DNAH11: variants seen among roughly 807,000 people sequenced by gnomAD.
DNAH11 encodes axonemal beta dynein heavy chain 11.
Under a neutral mutation model 526.0 loss-of-function variants are expected in DNAH11, and 442 were observed. That is an observed-to-expected ratio of 0.84 (90% confidence interval 0.78 to 0.91). The LOEUF (loss-of-function observed/expected upper bound fraction) is 0.91, where lower values mean the gene tolerates loss of function less well. DNAH11 is among the 40% of genes least tolerant of loss of function. The pLI is 0.00. For synonymous variants in DNAH11, 2,461 were observed against 1,935.9 expected (o/e 1.27, Z -7.12); for missense variants, 6,989 against 5,448.7 (o/e 1.28, Z -8.90).
At chr7:21,738,906 A>T in intron 47 of DNAH11, 40 bp downstream of exon 47, 1 of 1,437,134 alleles carries the variant, frequency 7.0e-7, no homozygotes, top group Non-Finnish European at 9.3e-7. Flanking sequence ...CCAAAATCTA[A>T]TAATTATTAT....
intron 20 of DNAH11, among the ~76,000 whole-genome samples, chr7:21,614,060 A>G (rs112195165): frequency 0.073 from 11,096 of 152,180 alleles, 568 homozygotes; most frequent in African/African-American, 0.14. Flanking sequence ...TACAAGCATG[A>G]GCCACTGTGC....
intron 53 of DNAH11, among the ~76,000 whole-genome samples, chr7:21,750,014 CG>C (rs1786342345): frequency 3.9e-5 from 6 of 152,306 alleles, no homozygotes; most frequent in Admixed American, 3.9e-4. Context: ...TATTCTTACA[CG>C]TACGGGTGTA....
At chr7:21,655,809 CT>C in intron 28 of DNAH11, 22 bp from the exon 29 acceptor site, 1 of 1,603,964 alleles carries the variant, frequency 6.2e-7, no homozygotes. Context: ...ATGTTCTTAT[CT>C]TTTCTAATAT....
chr7:21,632,401 TC>T (rs200130598), intron 25 of DNAH11, among the ~76,000 whole-genome samples: 1,676 of 152,298 alleles, frequency 0.011, 27 homozygotes, highest in Non-Finnish European at 0.019. Flanking sequence ...GGATTTTCTT[TC>T]CTATCACATT....
intron 39 of DNAH11, 51 bp downstream of exon 39, chr7:21,705,588 C>A: frequency 6.4e-7 from 1 of 1,570,552 alleles, no homozygotes; most frequent in South Asian, 1.1e-5. Flanking sequence ...CATTTGTTGT[C>A]ATTGTGGTTC....
intron 55 of DNAH11, among the ~76,000 whole-genome samples, chr7:21,768,601 T>C (rs1329681562): frequency 6.6e-6 from 1 of 152,204 alleles, no homozygotes; most frequent in East Asian, 1.9e-4. Context: ...TTAAAAGTAA[T>C]GACACAAACT....
intron 34 of DNAH11, among the ~76,000 whole-genome samples, chr7:21,688,377 T>C (rs2128474285): frequency 6.6e-6 from 1 of 152,342 alleles, no homozygotes; most frequent in Non-Finnish European, 1.5e-5. Context: ...TATTATGTTT[T>C]ATTGTTATTA....
intron 63 of DNAH11, among the ~76,000 whole-genome samples, chr7:21,813,129 AG>A (rs966126679): frequency 1.3e-5 from 2 of 152,108 alleles, no homozygotes; most frequent in African/African-American, 4.8e-5. Context: ...CATGGCCTTG[AG>A]GGTTCAAATT....
At chr7:21,713,166 G>A (rs1383804802) in intron 42 of DNAH11, among the ~76,000 whole-genome samples, 1 of 152,172 alleles carries the variant, frequency 6.6e-6, no homozygotes, top group African/African-American at 2.4e-5. Context: ...ACTTCGAACT[G>A]TAGGAGTCAC....
At position 21,701,435 on chromosome 7, in the gene DNAH11, G is replaced by A. The variant is rs187548477; in HGVS notation, c.6181-1275G>A. On this transcript the variant is annotated intron_variant, in intron 36 of 81. Transcript: ENST00000409508. Reference sequence around the variant, plus strand: ...CTCCTAAGTAAATGAGACTCTAGGCGTGCACCATCACGCCCAGCTAATTTT... The same window carrying A: ...CTCCTAAGTAAATGAGACTCTAGGCATGCACCATCACGCCCAGCTAATTTT... Among the ~76,000 whole-genome samples the A allele has an allele frequency of 5.3e-5, 8 of 152,022 alleles. No individual in the cohort carries two copies. In the East Asian group the frequency reaches 9.7e-4, roughly 18 times the overall value.
chr7:21,901,396 AAGTC>A lies in DNAH11; in HGVS notation c.*145_*148del. 4 of 1,204,396 alleles carry A rather than the reference AAGTC, an allele frequency of 3.3e-6. No individual in the cohort carries two copies. Among genetic ancestry groups the A allele is most frequent in the Non-Finnish European group, 3.2e-6 (3 of 929,744 alleles). The allele number at this position is 1,204,396 out of a possible 1,614,324, so 74.6% of individuals were successfully genotyped here. A position where few individuals can be genotyped will look rare whatever the true frequency, so the allele number is the denominator to read the frequency against. On this transcript the variant is annotated 3_prime_UTR_variant, in exon 82 of 82. Transcript: ENST00000409508. ...TTTTTCAACGCTATCCTTAGAGTGA[AAGTC>A]AGAAAAAAATACTAGAAACTAACTC... is the stretch of plus-strand genomic sequence containing the variant.
chr7:21,689,746 A>G (rs1783530743), intron 34 of DNAH11, among the ~76,000 whole-genome samples: 1 of 152,206 alleles, frequency 6.6e-6, no homozygotes, highest in Non-Finnish European at 1.5e-5. Context: ...TTAGTCCTAA[A>G]CACTGTGGTT....
Position 21,606,615 on chromosome 7 carries a change from CTTTT to C in DNAH11, c.3766-15_3766-12del, listed in dbSNP as rs372802563. On this transcript the variant is annotated intron_variant, in intron 19 of 81. Coordinates refer to ENST00000409508, the MANE Select transcript of DNAH11 (RefSeq NM_001277115.2). Reference sequence around the variant, plus strand: ...AATTGAAGTATTTGTTTGAAATTCACTTTTTTTTTTTTTTTTTTTTGCAATGATC... The same window carrying C: ...AATTGAAGTATTTGTTTGAAATTCACTTTTTTTTTTTTTTTTGCAATGATC... 4.2e-3 allele frequency: 5,042 copies of C among 1,189,322 alleles called. 49 individuals carry two copies. The African/African-American group carries it at 0.058, about 14-fold the overall frequency. 73.7% of individuals were successfully genotyped at this position (1,189,322 alleles called of 1,614,324 possible). A position where few individuals can be genotyped will look rare whatever the true frequency, so the allele number is the denominator to read the frequency against.
intron 25 of DNAH11, among the ~76,000 whole-genome samples, chr7:21,622,932 C>A (rs1786145604): frequency 6.6e-6 from 1 of 152,004 alleles, no homozygotes; most frequent in Non-Finnish European, 1.5e-5. Flanking sequence ...TCTAAAACAC[C>A]AAAAGCAATG....
intron 23 of DNAH11, 117 bp from the exon 24 acceptor site, chr7:21,618,983 T>A (rs970027711): frequency 7.7e-6 from 10 of 1,292,250 alleles, no homozygotes; most frequent in Non-Finnish European, 1.1e-5. Flanking sequence ...AGACGAGAGA[T>A]GTACTCAGCA....
At position 21,642,642 on chromosome 7, in the gene DNAH11, C is replaced by T. The variant is rs141987590; in HGVS notation, c.4944+3577C>T. Among the ~76,000 whole-genome samples the T allele has an allele frequency of 1.4e-3, 214 of 152,202 alleles. 2 individuals carry two copies. The highest frequency in any genetic ancestry group is 4.9e-3 in the African/African-American group (202 of 41,532). On this transcript the variant is annotated intron_variant, in intron 28 of 81. Coordinates refer to ENST00000409508, the MANE Select transcript of DNAH11 (RefSeq NM_001277115.2). ...AACAATGCAATTTCCCCATAAAAGG[C>T]GCCCTGTGTGGGTAGATAACTCATC...
intron 65 of DNAH11, among the ~76,000 whole-genome samples, chr7:21,823,826 CAAAAAG>C (rs1790157417): frequency 6.6e-6 from 1 of 152,006 alleles, no homozygotes; most frequent in Non-Finnish European, 1.5e-5. Flanking sequence ...ACTGAGTTGA[CAAAAAG>C]AAAAAGTGCA....
At chr7:21,841,699 AC>A (rs1248042273) in intron 65 of DNAH11, among the ~76,000 whole-genome samples, 2 of 152,156 alleles carry the variant, frequency 1.3e-5, no homozygotes, top group Non-Finnish European at 2.9e-5. Context: ...GTGTGCAGCC[AC>A]CCGGGAGCCT....
At chr7:21,606,928 C>T (rs867887371) in intron 20 of DNAH11, among the ~76,000 whole-genome samples, 195 bp downstream of exon 20, 1 of 152,088 alleles carries the variant, frequency 6.6e-6, no homozygotes, top group South Asian at 2.1e-4. Context: ...AAACCATCAT[C>T]GTCATTGTAT....
Sources: gnomAD v4.1 joint callset for allele counts (sites outside exome capture counted in the v4.1 genomes callset) on GRCh38, gnomAD v4.1.1 for gene constraint, MANE v1.5 for transcripts, NCBI Gene and HGNC (gene_info 2026-07-23, HGNC 2026-07-21) for gene names.